Variants in MARK3 observed in about 807,000 individuals in gnomAD.
MARK3 encodes the protein MAP/microtubule affinity-regulating kinase 3.
In MARK3, 46 loss-of-function variants were observed where a neutral mutation model predicts 90.1. The ratio of observed to expected loss-of-function variants is 0.51; its 90% CI spans 0.40 to 0.65. MARK3 has a LOEUF of 0.65. Ranked by LOEUF, MARK3 falls within the 30% of genes least tolerant of loss-of-function variation. The pLI, the probability that MARK3 is intolerant of heterozygous loss-of-function variation, is 0.00. For synonymous variants in MARK3, 321 were observed against 332.6 expected (o/e 0.97, Z 0.38); for missense variants, 818 against 947.2 (o/e 0.86, Z 1.79).
chr14:103,494,424 G>A (rs1440722833), intron 15 of MARK3, among the ~76,000 whole-genome samples: 1 of 150,960 alleles, frequency 6.6e-6, no homozygotes, highest in African/African-American at 2.4e-5. Flanking sequence ...GGTGGCACAT[G>A]CCTGTAATCC....
chr14:103,481,850 T>C (rs758859662), intron 14 of MARK3, among the ~76,000 whole-genome samples: 5 of 126,940 alleles, frequency 3.9e-5, no homozygotes, highest in Non-Finnish European at 7.9e-5. Flanking sequence ...CACTGCAAGC[T>C]CCGCCTCCCG....
intron 1 of MARK3, among the ~76,000 whole-genome samples, chr14:103,391,224 A>T (rs1383987675): frequency 2.0e-5 from 3 of 152,124 alleles, no homozygotes; most frequent in South Asian, 2.1e-4. Flanking sequence ...CACAGCAAAG[A>T]ATTACCCGGC....
chr14:103,389,353 G>C (rs111498549), intron 1 of MARK3, among the ~76,000 whole-genome samples: 4,129 of 143,408 alleles, frequency 0.029, 217 homozygotes, highest in African/African-American at 0.098. Flanking sequence ...GACAGAGCCA[G>C]ACTCCATCTC....
At chr14:103,469,680 T>G (rs1210028606) in intron 12 of MARK3, among the ~76,000 whole-genome samples, 2 of 150,954 alleles carry the variant, frequency 1.3e-5, no homozygotes, top group African/African-American at 4.9e-5. Flanking sequence ...CTAGAACTCC[T>G]GACCTCAGGT....
intron 3 of MARK3, among the ~76,000 whole-genome samples, chr14:103,431,791 A>G (rs2092590344): frequency 6.6e-6 from 1 of 152,148 alleles, no homozygotes; most frequent in Non-Finnish European, 1.5e-5. Flanking sequence ...AGAAACTTCT[A>G]CAACACTGTT....
At chr14:103,482,499 C>T (rs2093844434) in intron 14 of MARK3, among the ~76,000 whole-genome samples, 1 of 148,208 alleles carries the variant, frequency 6.7e-6, no homozygotes, top group South Asian at 2.2e-4. Flanking sequence ...CCAGCCTGGA[C>T]AACAGAGCAA....
chr14:103,488,658 C>T (rs1224428238), intron 14 of MARK3, among the ~76,000 whole-genome samples: 1 of 152,040 alleles, frequency 6.6e-6, no homozygotes, highest in Non-Finnish European at 1.5e-5. Context: ...AGTTCAAGAC[C>T]AGCCTAGCCA....
intron 1 of MARK3, among the ~76,000 whole-genome samples, chr14:103,404,754 G>A (rs563851385): frequency 6.6e-6 from 1 of 152,072 alleles, no homozygotes; most frequent in South Asian, 2.1e-4. Flanking sequence ...AGGTGTGCAG[G>A]TGCACTTACT....
At chr14:103,441,183 G>C (rs748442799) in intron 3 of MARK3, among the ~76,000 whole-genome samples, 3 of 152,082 alleles carry the variant, frequency 2.0e-5, no homozygotes, top group Non-Finnish European at 4.4e-5. Flanking sequence ...TCACTCTCTT[G>C]ATACTGTCTC....
Position 103,491,979 on chromosome 14 carries a change from C to A in MARK3, c.1789C>A (p.Arg597=). ...TGAAGCCACACCATTGTCCCAGACT[C>A]GAAGCCGAGGCTCCACTAATCTCTT... ...SHEATPLSQT[R]SRGSTNLFSK... Residue 597 remains arginine, a synonymous_variant, in exon 15 of 18, where the codon CGA becomes AGA. Transcript: ENST00000429436. 1 of 1,614,138 alleles carries A rather than the reference C, an allele frequency of 6.2e-7. No individual in the cohort carries two copies. Among genetic ancestry groups the A allele is most frequent in the Non-Finnish European group, 8.5e-7 (1 of 1,180,024 alleles).
intron 2 of MARK3, among the ~76,000 whole-genome samples, chr14:103,407,066 G>C (rs527562393): frequency 1.4e-4 from 21 of 152,086 alleles, no homozygotes; most frequent in Non-Finnish European, 3.1e-4. Flanking sequence ...ATCTCATCTC[G>C]TGATCCGCCT....
intron 1 of MARK3, among the ~76,000 whole-genome samples, chr14:103,389,866 C>T (rs2090107843): frequency 6.7e-6 from 1 of 148,788 alleles, no homozygotes; most frequent in Admixed American, 6.7e-5. Flanking sequence ...ATCGCTTGAA[C>T]CCTGGAGACG....
At chr14:103,392,417 C>G (rs2090314973) in intron 1 of MARK3, among the ~76,000 whole-genome samples, 1 of 152,134 alleles carries the variant, frequency 6.6e-6, no homozygotes. Context: ...TACCCCTAGA[C>G]CTTGATTTTA....
rs148560371 is a variant in MARK3, at chr14:103,450,345, C to T, written c.346+1378C>T. ...TTCCAACTTTTCACACCCGTCCTCC[C>T]GCCCCCCACAAAAAAACTTTATCAC... On this transcript the variant is annotated intron_variant, in intron 4 of 17. Transcript: ENST00000429436. Among the ~76,000 whole-genome samples the T allele has an allele frequency of 9.1e-4, 139 of 152,152 alleles. 3 individuals are homozygous for T. In the East Asian group the frequency reaches 0.023, roughly 25 times the overall value.
At chr14:103,492,925 G>A (rs188214059) in intron 15 of MARK3, among the ~76,000 whole-genome samples, 1 of 152,332 alleles carries the variant, frequency 6.6e-6, no homozygotes, top group Admixed American at 6.5e-5. Flanking sequence ...TTGGAGAAAT[G>A]TTTTGAAATT....
intron 14 of MARK3, among the ~76,000 whole-genome samples, chr14:103,486,225 G>C (rs973971187): frequency 6.6e-6 from 1 of 151,972 alleles, no homozygotes; most frequent in African/African-American, 2.4e-5. Context: ...CATCACCTGG[G>C]GTCGGGAGTT....
chr14:103,446,539 C>T (rs774205691), intron 3 of MARK3, among the ~76,000 whole-genome samples: 6 of 151,674 alleles, frequency 4.0e-5, no homozygotes, highest in Non-Finnish European at 7.4e-5. Flanking sequence ...AATAAATAAA[C>T]AAACAGTATG....
chr14:103,448,796 A>G (rs1449826157), intron 3 of MARK3, 123 bp from the exon 4 acceptor site: 1 of 961,626 alleles, frequency 1.0e-6, no homozygotes, highest in Non-Finnish European at 1.5e-6. Context: ...ATATGGATTA[A>G]TAAACATTAG....
chr14:103,453,309 C>T (rs897472568), intron 5 of MARK3, among the ~76,000 whole-genome samples: 1 of 152,154 alleles, frequency 6.6e-6, no homozygotes, highest in East Asian at 1.9e-4. Context: ...CACTGCCTGG[C>T]ACACAGCAGA....
Sources: gnomAD v4.1 joint callset for allele counts (sites outside exome capture counted in the v4.1 genomes callset) on GRCh38, gnomAD v4.1.1 for gene constraint, MANE v1.5 for transcripts, NCBI Gene and HGNC (gene_info 2026-07-23, HGNC 2026-07-21) for gene names.